The following NEDD4L variants were observed in gnomAD, a reference collection of about 807,000 sequenced individuals.
NEDD4L encodes E3 ubiquitin-protein ligase NEDD4-like.
A neutral mutation model predicts 148.9 loss-of-function variants in NEDD4L; 54 were observed. The observed-to-expected ratio is 0.36, with a 90% CI of 0.29 to 0.45. The LOEUF (loss-of-function observed/expected upper bound fraction) is 0.45. NEDD4L is among the 20% of genes least tolerant of loss of function. The probability of loss-of-function intolerance (pLI) is 1.00; values close to 1 mark genes in which losing one functional copy is unlikely to be tolerated. For synonymous variants in NEDD4L, 433 were observed against 440.7 expected, an observed-to-expected ratio of 0.98 and a Z score of 0.22; for missense variants, 856 against 1,233.8, an observed-to-expected ratio of 0.69 and a Z score of 4.59.
intron 1 of NEDD4L, among the ~76,000 whole-genome samples, chr18:58,111,938 T>C (rs2085445068): frequency 1.3e-5 from 2 of 152,202 alleles, no homozygotes; most frequent in Non-Finnish European, 2.9e-5. Context: ...ATCTGCATCC[T>C]CAACAACACG....
intron 1 of NEDD4L, among the ~76,000 whole-genome samples, chr18:58,092,199 A>T (rs1237004874): frequency 6.6e-6 from 1 of 152,218 alleles, no homozygotes; most frequent in Non-Finnish European, 1.5e-5. Flanking sequence ...AGGTCCTTTC[A>T]TCTGGGTGCT....
At chr18:58,163,243 A>C (rs746718803) in intron 1 of NEDD4L, among the ~76,000 whole-genome samples, 1 of 152,194 alleles carries the variant, frequency 6.6e-6, no homozygotes, top group Admixed American at 6.5e-5. Flanking sequence ...GTTTTGAAGC[A>C]TGTGTAAAAA....
At chr18:58,301,996 A>G (rs572697348) in intron 5 of NEDD4L, among the ~76,000 whole-genome samples, 22 of 152,300 alleles carry the variant, frequency 1.4e-4, no homozygotes, top group African/African-American at 4.6e-4. Context: ...AGGGGGATTC[A>G]CTAAGAACTT....
intron 2 of NEDD4L, among the ~76,000 whole-genome samples, chr18:58,187,967 G>T (rs996151241): frequency 5.3e-5 from 8 of 152,148 alleles, no homozygotes; most frequent in Non-Finnish European, 5.9e-5. Flanking sequence ...TGCATTTTTC[G>T]CTACTTTGCC....
At chr18:58,252,194 C>T (rs527362928) in intron 5 of NEDD4L, 140 bp downstream of exon 5, 7 of 672,044 alleles carry the variant, frequency 1.0e-5, no homozygotes, top group African/African-American at 1.8e-5. Context: ...TGTCCCACTA[C>T]GAGTTTGATG....
At chr18:58,206,281 T>C (rs1256213104) in intron 2 of NEDD4L, among the ~76,000 whole-genome samples, 4 of 151,944 alleles carry the variant, frequency 2.6e-5, no homozygotes, top group African/African-American at 4.8e-5. Context: ...TCCAGCTACT[T>C]GGGAGGCTGA....
intron 1 of NEDD4L, among the ~76,000 whole-genome samples, chr18:58,071,041 C>A (rs77103572): frequency 0.074 from 11,224 of 150,982 alleles, 507 homozygotes; most frequent in East Asian, 0.16. Flanking sequence ...GTTAAAAAAA[C>A]ACACACACAC....
In NEDD4L at chr18:58,256,360, G is replaced by A. The variant is rs368588992; in HGVS notation, c.297+4306G>A. On this transcript the variant is annotated intron_variant, in intron 5 of 30. Coordinates refer to ENST00000400345, the MANE Select transcript of NEDD4L (RefSeq NM_001144967.3). The surrounding 1 kb of genome is among the most constrained non-coding windows in gnomAD (Gnocchi z 5.2). ...ATGCTTCTGGAAGCTCTGGGAAGCG[G>A]TGTTTTGTCTTCCAGTTGCAGCAGC... 18 of 1,232,266 alleles carry A rather than the reference G, an allele frequency of 1.5e-5. No homozygotes were observed. In the African/African-American group the frequency reaches 2.5e-4, roughly 17 times the overall value. 76.3% of individuals were successfully genotyped at this position (1,232,266 alleles called of 1,614,324 possible). A position where few individuals can be genotyped will look rare whatever the true frequency, so the allele number is the denominator to read the frequency against.
intron 1 of NEDD4L, among the ~76,000 whole-genome samples, chr18:58,101,388 A>G (rs2084745900): frequency 6.6e-6 from 1 of 152,208 alleles, no homozygotes; most frequent in Non-Finnish European, 1.5e-5. Context: ...ACTCAGAACA[A>G]GGCTTTTGCA....
At chr18:58,056,970 A>G (rs1290805156) in intron 1 of NEDD4L, among the ~76,000 whole-genome samples, 1 of 148,688 alleles carries the variant, frequency 6.7e-6, no homozygotes, top group Non-Finnish European at 1.5e-5. Flanking sequence ...TGTGCCTTAA[A>G]TCTTCTGTTG....
In NEDD4L at chr18:58,255,688, A is replaced by G. The variant is rs980213519; in HGVS notation, c.297+3634A>G. 4.1e-6 allele frequency: 5 copies of G among 1,232,248 alleles called. No individual in the cohort carries two copies. The African/African-American group carries it at 7.8e-5, about 19-fold the overall frequency. The allele number at this position is 1,232,248 out of a possible 1,614,324, so 76.3% of individuals were successfully genotyped here. On this transcript the variant is annotated intron_variant, in intron 5 of 30. Coordinates refer to ENST00000400345, the MANE Select transcript of NEDD4L (RefSeq NM_001144967.3). The stretch of plus-strand genomic sequence containing the variant: ...ATTTTGGCTCTGGTCGCAGCAACAC[A>G]GCCCCCGAATCAGACATCCTAGACC...
chr18:58,352,543 C>T (rs1172629055), intron 18 of NEDD4L, among the ~76,000 whole-genome samples: 2 of 152,062 alleles, frequency 1.3e-5, no homozygotes, highest in Admixed American at 6.5e-5. Context: ...CCTGCAATCC[C>T]AGCTACCCGG....
In NEDD4L at chr18:58,398,157, T is replaced by TAAAAAAAAAA. The variant is rs35545013; in HGVS notation, c.*1916_*1925dup. On this transcript the variant is annotated 3_prime_UTR_variant, in exon 31 of 31. Transcript: ENST00000400345. Reference sequence around the variant, plus strand: ...TCAGAAAACTTAGATGCTATGTAACTAAAAAAAAAAAAAAAAAAAAAAAAA... The same window carrying TAAAAAAAAAA: ...TCAGAAAACTTAGATGCTATGTAACTAAAAAAAAAAAAAAAAAAAAAAAAAAAAAAAAAAA... 83 of 31,014 alleles carry TAAAAAAAAAA rather than the reference T, an allele frequency of 2.7e-3. 11 individuals carry two copies. Among genetic ancestry groups the TAAAAAAAAAA allele is most frequent in the African/African-American group, 5.2e-3 (57 of 10,928 alleles). The allele number at this position is 31,014 out of a possible 1,614,324, so 1.9% of individuals were successfully genotyped here. A position where few individuals can be genotyped will look rare whatever the true frequency, so the allele number is the denominator to read the frequency against.
intron 2 of NEDD4L, among the ~76,000 whole-genome samples, chr18:58,217,825 T>G (rs7230471): frequency 6.6e-6 from 1 of 152,238 alleles, no homozygotes; most frequent in Non-Finnish European, 1.5e-5. Context: ...ATGGAAATAG[T>G]TTATGAATTT....
chr18:58,218,795 A>G (rs2043420438), intron 2 of NEDD4L, among the ~76,000 whole-genome samples: 1 of 152,172 alleles, frequency 6.6e-6, no homozygotes, highest in African/African-American at 2.4e-5. Flanking sequence ...TTATCCCGAT[A>G]TGTGCATCCT....
chr18:58,233,882 G>T (rs188902141), intron 2 of NEDD4L, among the ~76,000 whole-genome samples: 1 of 152,104 alleles, frequency 6.6e-6, no homozygotes, highest in African/African-American at 2.4e-5. Flanking sequence ...TGCCAGCAGC[G>T]TTCTCTGTTC....
At chr18:58,137,752 G>T (rs1231315808) in intron 1 of NEDD4L, among the ~76,000 whole-genome samples, 1 of 152,058 alleles carries the variant, frequency 6.6e-6, no homozygotes, top group East Asian at 1.9e-4. Flanking sequence ...TCAAATACAG[G>T]TCTCTCATAC....
At chr18:58,239,656 G>T (rs954856915) in intron 2 of NEDD4L, among the ~76,000 whole-genome samples, 3 of 152,218 alleles carry the variant, frequency 2.0e-5, no homozygotes, top group Non-Finnish European at 2.9e-5. Context: ...GATTGGTCAG[G>T]ACGACTGTCC....
chr18:58,051,457 T>TG (rs2081866480), intron 1 of NEDD4L, among the ~76,000 whole-genome samples: 2 of 152,248 alleles, frequency 1.3e-5, no homozygotes, highest in South Asian at 2.1e-4. Context: ...AAATTACTTT[T>TG]GCATTCATTT....
Sources: allele counts gnomAD v4.1 joint callset (sites outside exome capture counted in the v4.1 genomes callset), GRCh38; gene constraint gnomAD v4.1.1; non-coding constraint Gnocchi (gnomAD v3.1); transcripts MANE v1.5; gene names NCBI Gene and HGNC (gene_info 2026-07-23, HGNC 2026-07-21).